SEC24D: variants seen among roughly 807,000 people sequenced by gnomAD.
The protein encoded by SEC24D is protein transport protein Sec24D.
Under a neutral mutation model 116.9 loss-of-function variants are expected in SEC24D, and 69 were observed. That is an observed-to-expected ratio of 0.59 (90% confidence interval 0.49 to 0.72). The LOEUF (loss-of-function observed/expected upper bound fraction) is 0.72. Ranked by LOEUF, SEC24D falls within the 30% of genes least tolerant of loss-of-function variation. The pLI is 0.00. For synonymous variants in SEC24D, 405 were observed against 442.8 expected (o/e 0.91, Z 1.07); for missense variants, 1,131 against 1,264.1 (o/e 0.89, Z 1.60).
chr4:118,819,020 C>G (rs1730275521), intron 3 of SEC24D, among the ~76,000 whole-genome samples: 1 of 152,142 alleles, frequency 6.6e-6, no homozygotes, highest in Non-Finnish European at 1.5e-5. Context: ...TAACTTTTCA[C>G]AGTAAAAGTT....
At chr4:118,821,291 C>T (rs1730391139) in intron 3 of SEC24D, among the ~76,000 whole-genome samples, 1 of 152,186 alleles carries the variant, frequency 6.6e-6, no homozygotes, top group Non-Finnish European at 1.5e-5. Context: ...AAGATGGGTC[C>T]ACTGTTCCCT....
intron 4 of SEC24D, 125 bp from the exon 5 acceptor site, chr4:118,815,851 T>C (rs1016531123): frequency 1.9e-6 from 2 of 1,045,136 alleles, no homozygotes; most frequent in African/African-American, 1.6e-5. Flanking sequence ...TAGAAACACA[T>C]GTTTGGGTTT....
intron 3 of SEC24D, among the ~76,000 whole-genome samples, chr4:118,820,878 C>A (rs184258420): frequency 3.3e-5 from 5 of 152,168 alleles, no homozygotes; most frequent in African/African-American, 7.2e-5. Flanking sequence ...GGAAAGAATT[C>A]AATAAAGAAT....
intron 8 of SEC24D, among the ~76,000 whole-genome samples, chr4:118,790,797 TA>T (rs1019848011): frequency 6.6e-6 from 1 of 151,020 alleles, no homozygotes; most frequent in African/African-American, 2.4e-5. Context: ...GAACCAATTT[TA>T]AAAAACACTG....
intron 22 of SEC24D, among the ~76,000 whole-genome samples, chr4:118,726,426 C>T (rs941004230): frequency 2.0e-5 from 3 of 152,106 alleles, no homozygotes; most frequent in African/African-American, 7.2e-5. Flanking sequence ...AGCAATTTGG[C>T]AGTTTACAGA....
At chr4:118,762,376 G>A (rs995283984) in intron 10 of SEC24D, among the ~76,000 whole-genome samples, 1 of 152,098 alleles carries the variant, frequency 6.6e-6, no homozygotes, top group African/African-American at 2.4e-5. Context: ...TGGCACTTAC[G>A]CGGTCTCTAA....
chr4:118,819,488 G>A (rs186134001), intron 3 of SEC24D, among the ~76,000 whole-genome samples: 5 of 131,532 alleles, frequency 3.8e-5, no homozygotes, highest in Admixed American at 1.0e-4. Context: ...CCAAGATCGC[G>A]CCACTGCACT....
At chr4:118,829,941 A>G (rs1345111901) in intron 2 of SEC24D, among the ~76,000 whole-genome samples, 1 of 152,262 alleles carries the variant, frequency 6.6e-6, no homozygotes, top group Non-Finnish European at 1.5e-5. Context: ...AGTGGAATAG[A>G]TACTTCAAAG....
At chr4:118,784,045 C>T (rs1259420362) in intron 8 of SEC24D, among the ~76,000 whole-genome samples, 1 of 152,216 alleles carries the variant, frequency 6.6e-6, no homozygotes, top group South Asian at 2.1e-4. Flanking sequence ...TCTATTTAAA[C>T]AGAAGAAAAC....
chr4:118,724,526 AATTAT>A (rs1387212208), intron 22 of SEC24D, among the ~76,000 whole-genome samples: 11 of 152,180 alleles, frequency 7.2e-5, no homozygotes, highest in Admixed American at 5.9e-4. Context: ...TACATATAGA[AATTAT>A]ATTTTAGATA....
chr4:118,830,399 C>A (rs1434512137), intron 2 of SEC24D, among the ~76,000 whole-genome samples: 1 of 152,136 alleles, frequency 6.6e-6, no homozygotes, highest in Non-Finnish European at 1.5e-5. Flanking sequence ...CCCATCTCTA[C>A]CAGCTACTTG....
chr4:118,725,687 AGGT>A (rs2110423589), intron 22 of SEC24D, among the ~76,000 whole-genome samples: 1 of 151,904 alleles, frequency 6.6e-6, no homozygotes, highest in African/African-American at 2.4e-5. Flanking sequence ...CTATGAGCTG[AGGT>A]GGTAAGTAGA....
At position 118,728,607 on chromosome 4, in the gene SEC24D, C is replaced by A. The variant is rs746503908; in HGVS notation, c.2912G>T (p.Arg971Ile). 6.8e-6 allele frequency: 11 copies of A among 1,611,240 alleles called. No individual in the cohort carries two copies. Among genetic ancestry groups the A allele is most frequent in the Admixed American group, 1.7e-5 (1 of 59,794 alleles). ...EVGNPYSQQL[R>I]MIMGIIQQKR... ...TTGTTGGATAATACCCATTATCATTCTGAGTTGTTGAGAGTATGGGTTTCC... is the reference window on the plus strand; with the variant it reads ...TTGTTGGATAATACCCATTATCATTATGAGTTGTTGAGAGTATGGGTTTCC... The change falls in exon 22 of 23, where the codon AGA (arginine) becomes ATA (isoleucine). Residue 971 changes from arginine (R) to isoleucine (I), a missense_variant. By Grantham distance (97) the Arg-to-Ile change is moderately conservative. Coordinates refer to ENST00000280551, the MANE Select transcript of SEC24D (RefSeq NM_014822.4).
At chr4:118,768,057 A>C in intron 9 of SEC24D, 116 bp downstream of exon 9, 1 of 781,214 alleles carries the variant, frequency 1.3e-6, no homozygotes, top group East Asian at 2.9e-5. Flanking sequence ...AGAAAATTAT[A>C]AAGAAGGTAC....
intron 8 of SEC24D, among the ~76,000 whole-genome samples, chr4:118,787,488 T>C (rs147093892): frequency 9.3e-4 from 141 of 152,336 alleles, no homozygotes; most frequent in African/African-American, 3.2e-3. Flanking sequence ...TGAAAATGCA[T>C]AGTCTCCCAA....
intron 17 of SEC24D, among the ~76,000 whole-genome samples, chr4:118,740,344 G>C (rs1425475561): frequency 1.3e-5 from 2 of 152,138 alleles, no homozygotes; most frequent in Non-Finnish European, 2.9e-5. Context: ...TATTCATATG[G>C]TAGATGTGAA....
At chr4:118,732,262 G>A (rs538912402) in intron 20 of SEC24D, among the ~76,000 whole-genome samples, 4 of 151,988 alleles carry the variant, frequency 2.6e-5, no homozygotes, top group Admixed American at 6.6e-5. Context: ...AGCCCCCCAC[G>A]AGTAGCTGGG....
intron 12 of SEC24D, among the ~76,000 whole-genome samples, chr4:118,752,454 G>A (rs986121726): frequency 6.6e-6 from 1 of 152,112 alleles, no homozygotes; most frequent in African/African-American, 2.4e-5. Context: ...AAAAGAGGAA[G>A]AACCAATAGG....
chr4:118,810,543 A>G (rs1167270113), intron 6 of SEC24D, among the ~76,000 whole-genome samples: 2 of 152,216 alleles, frequency 1.3e-5, no homozygotes, highest in African/African-American at 4.8e-5. Flanking sequence ...CAAAGCCACG[A>G]AAATAGATGG....
Sources: allele counts gnomAD v4.1 joint callset (sites outside exome capture counted in the v4.1 genomes callset), GRCh38; gene constraint gnomAD v4.1.1; transcripts MANE v1.5; gene names NCBI Gene and HGNC (gene_info 2026-07-23, HGNC 2026-07-21).